Variants in MAFG observed in about 807,000 individuals in gnomAD.
The protein encoded by MAFG is transcription factor MafG.
Under a neutral mutation model 12.2 loss-of-function variants are expected in MAFG, and 3 were observed. The observed-to-expected ratio is 0.25, with a 90% CI of 0.11 to 0.64. The LOEUF (loss-of-function observed/expected upper bound fraction) is 0.64. Among genes scored for constraint, MAFG ranks in the 30% least tolerant of loss-of-function variants. The pLI is 0.85. For missense variants in MAFG, 153 were observed against 235.5 expected (o/e 0.65, Z 2.29); for synonymous variants, 126 against 109.1 (o/e 1.15, Z -0.96).
chr17:81,922,947 G>T lies in MAFG; in HGVS notation c.147C>A (p.Ile49=), dbSNP rs746105372. 2.5e-6 allele frequency: 4 copies of T among 1,603,506 alleles called. No homozygotes were observed. The highest frequency in any genetic ancestry group is 3.4e-6 in the Non-Finnish European group (4 of 1,175,366). Residue 49 remains isoleucine, a synonymous_variant, in exon 3 of 3, where the codon ATC becomes ATA. Transcript: ENST00000357736. ...TGCGCCGGCGCTGCTTCAGCTGGAC[G>T]ATCTCCTCCTTGGACAGGCCCCGCA... is the stretch of plus-strand genomic sequence containing the variant. ...QHLRGLSKEE[I]VQLKQRRRTL... is the part of the protein sequence containing the mutation.
In MAFG at chr17:81,923,173, T is replaced by C; in HGVS notation, c.13A>G (p.Asn5Asp). Residue 5 changes from asparagine (N) to aspartate (D), a missense_variant, in exon 2 of 3, where the codon AAT becomes GAT. Transcript: ENST00000357736. ...ACCTTCAAGGCCTTGTTTCCTTTAT[T>C]GGGGGTCGTCATAACCCGGGGGCAC... MTTPNKGNKALKVKR... is the reference protein window; with the variant it reads MTTPDKGNKALKVKR... 6.2e-7 allele frequency: 1 copy of C among 1,601,990 alleles called. No individual in the cohort carries two copies. The highest frequency in any genetic ancestry group is 8.5e-7 in the Non-Finnish European group (1 of 1,175,854).
At chr17:81,929,127 ACTC>A (rs1348537449), upstream of MAFG, among the ~76,000 whole-genome samples, 3 of 151,390 alleles carry the variant, frequency 2.0e-5, no homozygotes, top group East Asian at 3.9e-4. The surrounding 1 kb of genome is among the most constrained non-coding windows in gnomAD (Gnocchi z 5.7). Context: ...CCACACCCCA[ACTC>A]CTCCTCACAG....
intron 1 of MAFG, 68 bp from the exon 2 acceptor site, chr17:81,923,282 G>A (rs1329333755): frequency 3.3e-5 from 30 of 907,604 alleles, no homozygotes; most frequent in South Asian, 2.8e-4. Flanking sequence ...CCCCGCCCCC[G>A]GCCCAGTTCA....
Position 81,923,001 on chromosome 17 carries a change from G to C in MAFG, c.93C>G (p.Thr31=). The C allele has an allele frequency of 6.3e-7, 1 of 1,597,904 alleles. No homozygotes were observed. The highest frequency in any genetic ancestry group is 1.1e-5 in the South Asian group (1 of 89,080). ...GTSLTDEELV[T]MSVRELNQHL... is the part of the protein sequence containing the mutation. Reference sequence around the variant, plus strand: ...GCTGGTTCAGCTCCCGCACCGACATGGTCACCAGCTCCTCATCCGTCAGGC... The same window carrying C: ...GCTGGTTCAGCTCCCGCACCGACATCGTCACCAGCTCCTCATCCGTCAGGC... Residue 31 remains threonine (T), a synonymous_variant, in exon 3 of 3, where the codon ACC becomes ACG. Transcript: ENST00000357736.
In MAFG at chr17:81,923,095, A is replaced by G. The variant is rs1459937079; in HGVS notation, c.37-38T>C. The G allele has an allele frequency of 1.9e-6, 3 of 1,610,174 alleles. No homozygotes were observed. The South Asian group carries it at 3.3e-5, about 18-fold the overall frequency. Reference sequence around the variant, plus strand: ...GCAGGTGGTCACAGGCCAAGCGGGCACGCCCACTGTGCCCCCCGACCCCAG... The same window carrying G: ...GCAGGTGGTCACAGGCCAAGCGGGCGCGCCCACTGTGCCCCCCGACCCCAG... On this transcript the variant is annotated intron_variant, in intron 2 of 2. Coordinates refer to ENST00000357736, the MANE Select transcript of MAFG (RefSeq NM_002359.4).
rs560704005 is a variant in MAFG, at chr17:81,922,511, G to A, written c.*94C>T. 150 of 1,003,488 alleles carry A rather than the reference G, an allele frequency of 1.5e-4. No homozygotes were observed. The highest frequency in any genetic ancestry group is 1.9e-4 in the Non-Finnish European group (137 of 726,166). 62.2% of individuals were successfully genotyped at this position (1,003,488 alleles called of 1,614,324 possible). A position where few individuals can be genotyped will look rare whatever the true frequency, so the allele number is the denominator to read the frequency against. ...GAGAGAAGGGTGGGGAAGAGAGGGA[G>A]GAAAGAGAAGAGAAGGAAACAGAGG... On this transcript the variant is annotated 3_prime_UTR_variant, in exon 3 of 3. Coordinates refer to ENST00000357736, the MANE Select transcript of MAFG (RefSeq NM_002359.4).
rs2040900889 is a variant in MAFG at position 81,922,518 on chromosome 17, G to C, written c.*87C>G. The stretch of plus-strand genomic sequence containing the variant: ...GGGTGGGGAAGAGAGGGAGGAAAGA[G>C]AAGAGAAGGAAACAGAGGGACAGGG... On this transcript the variant is annotated 3_prime_UTR_variant, in exon 3 of 3. Coordinates refer to ENST00000357736, the MANE Select transcript of MAFG (RefSeq NM_002359.4). The C allele has an allele frequency of 3.8e-6, 4 of 1,051,494 alleles. No homozygotes were observed. The highest frequency in any genetic ancestry group is 6.0e-5 in the East Asian group (2 of 33,092). 65.1% of individuals were successfully genotyped at this position (1,051,494 alleles called of 1,614,324 possible). A position where few individuals can be genotyped will look rare whatever the true frequency, so the allele number is the denominator to read the frequency against.
At chr17:81,925,140 G>C (rs1332769478) in intron 1 of MAFG, among the ~76,000 whole-genome samples, 3 of 152,228 alleles carry the variant, frequency 2.0e-5, no homozygotes, top group Admixed American at 2.0e-4. Context: ...CTGAGGAGAA[G>C]CTGCCCCCGC....
rs183413629 is a variant in MAFG at position 81,926,074 on chromosome 17, A to G, written c.-30+1454T>C. On this transcript the variant is annotated intron_variant, in intron 1 of 2. Transcript: ENST00000357736. The surrounding 1 kb of genome is among the most constrained non-coding windows in gnomAD (Gnocchi z 4.6). The stretch of plus-strand genomic sequence containing the variant: ...CTGAGGGCAAACCACAAAGTAGCCT[A>G]ACCCAGCCATGAAATGAACTCCTGG... Among the ~76,000 whole-genome samples, 66 of 151,372 alleles carry G rather than the reference A, an allele frequency of 4.4e-4. No individual in the cohort carries two copies. Among genetic ancestry groups the G allele is most frequent in the African/African-American group, 1.6e-3 (66 of 41,184 alleles).
upstream of MAFG, among the ~76,000 whole-genome samples, chr17:81,928,909 G>C (rs1455140605): frequency 6.6e-6 from 1 of 152,200 alleles, no homozygotes; most frequent in Non-Finnish European, 1.5e-5. This position sits in a 1 kb window ranked among gnomAD's most constrained non-coding sequence, Gnocchi z 8.1. Flanking sequence ...TGCTCCGCGG[G>C]AGGGTGAAGT....
upstream of MAFG, among the ~76,000 whole-genome samples, chr17:81,928,972 C>T (rs2040963783): frequency 6.6e-6 from 1 of 152,248 alleles, no homozygotes; most frequent in Non-Finnish European, 1.5e-5. The surrounding 1 kb of genome is among the most constrained non-coding windows in gnomAD (Gnocchi z 8.1). Context: ...ACCTGGCGGG[C>T]CCCCGAGTCT....
Position 81,922,719 on chromosome 17 carries a change from G to A in MAFG, c.375C>T (p.Pro125=), listed in dbSNP as rs749165058. ...QTFARTVARS[P]VAPARGPLAA... ...CAAGGGGGCCCCGGGCTGGCGCCACGGGGCTGCGGGCCACCGTCCGGGCGA... is the reference window on the plus strand; with the variant it reads ...CAAGGGGGCCCCGGGCTGGCGCCACAGGGCTGCGGGCCACCGTCCGGGCGA... Residue 125 remains proline, a synonymous_variant, in exon 3 of 3, where the codon CCC becomes CCT. Transcript: ENST00000357736. 1.5e-4 allele frequency: 226 copies of A among 1,553,388 alleles called. No individual in the cohort carries two copies. The highest frequency in any genetic ancestry group is 1.9e-4 in the Non-Finnish European group (215 of 1,150,714).
rs1043531668 is a variant in MAFG, at chr17:81,918,597, C to T, written c.*4008G>A. The T allele has an allele frequency of 6.5e-6, 1 of 153,746 alleles. No individual in the cohort carries two copies. The highest frequency in any genetic ancestry group is 6.5e-5 in the Admixed American group (1 of 15,300). The allele number at this position is 153,746 out of a possible 1,614,324, so 9.5% of individuals were successfully genotyped here. ...GGGTCTTCTCCCACACACACAACCT[C>T]CCCTGGCTAGACCTAGGCAGGGCAG... On this transcript the variant is annotated 3_prime_UTR_variant, in exon 3 of 3. Coordinates refer to ENST00000357736, the MANE Select transcript of MAFG (RefSeq NM_002359.4).
upstream of MAFG, chr17:81,927,787 C>G (rs1423734907): frequency 6.6e-6 from 1 of 152,198 alleles, no homozygotes. Flanking sequence ...GGCCGGCCGG[C>G]GCTTAAAGGG....
chr17:81,930,322 C>A, upstream of MAFG: 1 of 152,516 alleles, frequency 6.6e-6, no homozygotes, highest in Non-Finnish European at 1.5e-5. The surrounding 1 kb of genome is among the most constrained non-coding windows in gnomAD (Gnocchi z 4.1). Flanking sequence ...CAGAATTGGG[C>A]AGGGCAAGGG....
chr17:81,921,766 CTTCT>C lies in MAFG; in HGVS notation c.*835_*838del, dbSNP rs1567913720. The C allele has an allele frequency of 6.7e-6, 1 of 150,098 alleles. No homozygotes were observed. Among genetic ancestry groups the C allele is most frequent in the African/African-American group, 2.5e-5 (1 of 40,674 alleles). The allele number at this position is 150,098 out of a possible 1,614,324, so 9.3% of individuals were successfully genotyped here. Reference sequence around the variant, plus strand: ...TTTTCCATTCATATGGTCAAATGGTCTTCTTGCTTGTTTTTTTTCTAAAAGACAG... The same window carrying C: ...TTTTCCATTCATATGGTCAAATGGTCTGCTTGTTTTTTTTCTAAAAGACAG... On this transcript the variant is annotated 3_prime_UTR_variant, in exon 3 of 3. Transcript: ENST00000357736.
In MAFG at chr17:81,922,025, C is replaced by A. The variant is rs2040895556; in HGVS notation, c.*580G>T. The A allele has an allele frequency of 6.6e-6, 1 of 152,350 alleles. No individual in the cohort carries two copies. The highest frequency in any genetic ancestry group is 1.5e-5 in the Non-Finnish European group (1 of 68,140). 9.4% of individuals were successfully genotyped at this position (152,350 alleles called of 1,614,324 possible). A position where few individuals can be genotyped will look rare whatever the true frequency, so the allele number is the denominator to read the frequency against. On this transcript the variant is annotated 3_prime_UTR_variant, in exon 3 of 3. Coordinates refer to ENST00000357736, the MANE Select transcript of MAFG (RefSeq NM_002359.4). ...CAGTGCAACGGGTCAGGCCTGAGTG[C>A]ACAGCCCCTGGGCCCAGCTGCACGC...
At position 81,922,862 on chromosome 17, in the gene MAFG, C is replaced by T; in HGVS notation, c.232G>A (p.Glu78Lys). ...CRVKRVTQKE[E>K]LEKQKAELQQ... The stretch of plus-strand genomic sequence containing the variant: ...AGCTCCGCCTTCTGCTTCTCCAGCT[C>T]CTCCTTCTGCGTCACCCGCTTCACG... The change falls in exon 3 of 3, where the codon GAG becomes AAG. Residue 78 changes from glutamate to lysine, a missense_variant. This residue lies in a region of MAFG where 29 missense variants were observed against 75.3 expected (regional missense o/e 0.39). Transcript: ENST00000357736. 1.2e-6 allele frequency: 2 copies of T among 1,611,704 alleles called. No homozygotes were observed. Among genetic ancestry groups the T allele is most frequent in the Non-Finnish European group, 1.7e-6 (2 of 1,179,312 alleles).
At position 81,926,928 on chromosome 17, in the gene MAFG, C is replaced by T. The variant is rs2040944660; in HGVS notation, c.-30+600G>A. 6.6e-6 allele frequency among the ~76,000 whole-genome samples: 1 copy of T among 152,170 alleles called. No homozygotes were observed. Among genetic ancestry groups the T allele is most frequent in the Non-Finnish European group, 1.5e-5 (1 of 68,018 alleles). On this transcript the variant is annotated intron_variant, in intron 1 of 2. Transcript: ENST00000357736. This position sits in a 1 kb window ranked among gnomAD's most constrained non-coding sequence, Gnocchi z 4.6. ...CCCCGAGGCCCCTCGCTCGAATCCC[C>T]TCCGGTATCAGCTTGAGCACCGAGT...
Sources: allele counts gnomAD v4.1 joint callset (sites outside exome capture counted in the v4.1 genomes callset), GRCh38; gene constraint gnomAD v4.1.1; regional missense constraint gnomAD v4.1.1; non-coding constraint Gnocchi (gnomAD v3.1); transcripts MANE v1.5; gene names NCBI Gene and HGNC (gene_info 2026-07-23, HGNC 2026-07-21).